NLRC5: variants seen among roughly 807,000 people sequenced by gnomAD.
The protein encoded by NLRC5 is NLR family CARD domain containing 5.
NLRC5 carries 114 observed loss-of-function variants against 206.9 expected under a neutral mutation model. That is an observed-to-expected ratio of 0.55 (90% CI 0.47 to 0.64). The LOEUF is 0.64. Among genes scored for constraint, NLRC5 ranks in the 30% least tolerant of loss-of-function variants. The pLI, the probability that NLRC5 is intolerant of heterozygous loss-of-function variation, is 0.00. For synonymous variants in NLRC5, 952 were observed against 962.8 expected (o/e 0.99, Z 0.21); for missense variants, 2,008 against 2,305.5 (o/e 0.87, Z 2.64).
Position 57,074,692 on chromosome 16 carries a change from C to T in NLRC5, c.4751+9C>T. ...TGCCTGCAGAGCCTCAGGTGAGTGA[C>T]CGAGCGGCCCCATGGGAATGAGTGG... On this transcript the variant is annotated intron_variant, in intron 39 of 48. Transcript: ENST00000688547. 6.2e-7 allele frequency: 1 copy of T among 1,613,142 alleles called. No individual in the cohort carries two copies. Among genetic ancestry groups the T allele is most frequent in the Non-Finnish European group, 8.5e-7 (1 of 1,179,242 alleles).
intron 24 of NLRC5, 72 bp from the exon 25 acceptor site, chr16:57,054,678 CT>C: frequency 9.4e-7 from 1 of 1,060,480 alleles, no homozygotes; most frequent in East Asian, 2.5e-5. Context: ...CCCACCCTCC[CT>C]TTCCTTACCC....
Position 57,029,902 on chromosome 16 carries a change from C to T in NLRC5, c.2327+46C>T, listed in dbSNP as rs1206530990. The T allele has an allele frequency of 5.0e-6, 8 of 1,607,368 alleles. No individual in the cohort carries two copies. In the South Asian group the frequency reaches 7.7e-5, roughly 15 times the overall value. On this transcript the variant is annotated intron_variant, in intron 9 of 48. Transcript: ENST00000688547. Reference sequence around the variant, plus strand: ...CTCTGCAGCCCAGTCCCTCTCTATACCTGATTCACCCCACTCCCTTGCAAG... The same window carrying T: ...CTCTGCAGCCCAGTCCCTCTCTATATCTGATTCACCCCACTCCCTTGCAAG...
At chr16:56,996,519 T>C (rs1207102404) in intron 1 of NLRC5, among the ~76,000 whole-genome samples, 1 of 152,108 alleles carries the variant, frequency 6.6e-6, no homozygotes, top group Non-Finnish European at 1.5e-5. Context: ...CTTCAGTTCG[T>C]GGCAAGTGGT....
chr16:57,028,182 G>C, intron 7 of NLRC5, 27 bp downstream of exon 7: 1 of 1,593,126 alleles, frequency 6.3e-7, no homozygotes, highest in Non-Finnish European at 8.6e-7. Flanking sequence ...AGCTGAGAAG[G>C]GTCTTCAGCT....
intron 27 of NLRC5, among the ~76,000 whole-genome samples, chr16:57,056,350 G>A (rs1367373450): frequency 2.0e-5 from 3 of 152,122 alleles, no homozygotes; most frequent in Non-Finnish European, 2.9e-5. Context: ...GAGTGCAGTG[G>A]TGCAATGATA....
At chr16:57,041,611 G>A (rs2063297455) in intron 18 of NLRC5, 37 bp downstream of exon 18, 1 of 1,519,552 alleles carries the variant, frequency 6.6e-7, no homozygotes, top group Non-Finnish European at 9.1e-7. Flanking sequence ...GGTGGGTGGG[G>A]CCAATTACAG....
intron 1 of NLRC5, among the ~76,000 whole-genome samples, chr16:56,998,497 G>T (rs1278147649): frequency 6.6e-6 from 1 of 152,160 alleles, no homozygotes; most frequent in African/African-American, 2.4e-5. Flanking sequence ...TGAGGTAGGT[G>T]CTGCTCTTAT....
Position 57,020,684 on chromosome 16 carries a change from C to G in NLRC5, c.-12-17C>G, listed in dbSNP as rs528117664. ...TACCTGTCCCCCTCAACTCACCTATCTTCCCTGTCCCTCCAGGGCTGGCTC... is the reference window on the plus strand; with the variant it reads ...TACCTGTCCCCCTCAACTCACCTATGTTCCCTGTCCCTCCAGGGCTGGCTC... On this transcript the variant is annotated splice_polypyrimidine_tract_variant and intron_variant, in intron 2 of 48. Transcript: ENST00000688547. The G allele has an allele frequency of 6.3e-7, 1 of 1,588,156 alleles. No homozygotes were observed. The highest frequency in any genetic ancestry group is 1.4e-5 in the African/African-American group (1 of 71,132).
At chr16:57,066,916 C>G (rs1482965741) in intron 34 of NLRC5, among the ~76,000 whole-genome samples, 1 of 152,196 alleles carries the variant, frequency 6.6e-6, no homozygotes, top group African/African-American at 2.4e-5. Context: ...CCTGCTTCAC[C>G]TGCCTAACTC....
Position 57,067,732 on chromosome 16 carries a change from T to C in NLRC5, c.4407-4T>C, listed in dbSNP as rs757038556. On this transcript the variant is annotated splice_region_variant and splice_polypyrimidine_tract_variant and intron_variant, in intron 35 of 48. Coordinates refer to ENST00000688547, the MANE Select transcript of NLRC5 (RefSeq NM_001384950.1). ...TCCTCTAGAATATCCTTGGACCTTT[T>C]CAGCTTGTCTCAGGTTAACCTCTGT... The C allele has an allele frequency of 3.7e-6, 6 of 1,613,800 alleles. No individual in the cohort carries two copies. In the Admixed American group the frequency reaches 8.3e-5, roughly 22 times the overall value.
At chr16:57,029,923 G>A in intron 9 of NLRC5, 67 bp downstream of exon 9, 1 of 1,608,622 alleles carries the variant, frequency 6.2e-7, no homozygotes, top group Non-Finnish European at 8.5e-7. Flanking sequence ...CCACTCCCTT[G>A]CAAGGCAAGG....
chr16:56,998,916 T>C (rs1186058252), intron 1 of NLRC5, among the ~76,000 whole-genome samples: 1 of 152,252 alleles, frequency 6.6e-6, no homozygotes, highest in Non-Finnish European at 1.5e-5. Flanking sequence ...ACTCTGTGTG[T>C]CTTAGCCCAT....
chr16:57,022,696 C>T lies in NLRC5; in HGVS notation c.355+381C>T, dbSNP rs183688620. 1.1e-4 allele frequency among the ~76,000 whole-genome samples: 16 copies of T among 152,330 alleles called. 1 individual carries two copies. The Middle Eastern group carries it at 0.01, about 97-fold the overall frequency. On this transcript the variant is annotated intron_variant, in intron 4 of 48. Transcript: ENST00000688547. ...CCCGACTTGTACACCTTGGACTTGA[C>T]ACTCACCCACAGCTGCTGTCTTCAG...
At position 57,033,644 on chromosome 16, in the gene NLRC5, G is replaced by A. The variant is rs757264031; in HGVS notation, c.2518G>A (p.Ala840Thr). 2 of 1,614,108 alleles carry A rather than the reference G, an allele frequency of 1.2e-6. No individual in the cohort carries two copies. The highest frequency in any genetic ancestry group is 2.2e-5 in the East Asian group (1 of 44,874). The change falls in exon 12 of 49, where the codon GCT (alanine) becomes ACT (threonine). Residue 840 changes from alanine to threonine, a missense_variant. Transcript: ENST00000688547. ...GGAAAGTGACGGCCAGAGGAAAGGG[G>A]CTCAGAGCAGAAGCTTGACGCTCAG... ...LQESDGQRKGAQSRSLTLRLQ... is the reference protein window; with the variant it reads ...LQESDGQRKGTQSRSLTLRLQ...
chr16:57,046,968 G>A (rs541723211), intron 22 of NLRC5, among the ~76,000 whole-genome samples: 3 of 152,316 alleles, frequency 2.0e-5, no homozygotes, highest in African/African-American at 7.2e-5. Flanking sequence ...AGAAAGAAAG[G>A]GGTTGGCCTG....
chr16:57,043,262 G>C (rs1597326047), intron 19 of NLRC5, among the ~76,000 whole-genome samples: 1 of 152,128 alleles, frequency 6.6e-6, no homozygotes, highest in African/African-American at 2.4e-5. Context: ...CAGACCGAGG[G>C]ACCCACTGGG....
intron 30 of NLRC5, 27 bp from the exon 31 acceptor site, chr16:57,061,421 G>T: frequency 1.2e-6 from 2 of 1,605,878 alleles, no homozygotes; most frequent in Non-Finnish European, 1.7e-6. Context: ...GCCTCACCCA[G>T]GCTCTGCCCT....
In NLRC5 at chr16:57,054,380, C is replaced by T. The variant is rs78129082; in HGVS notation, c.3507-371C>T. Among the ~76,000 whole-genome samples, 2,065 of 152,284 alleles carry T rather than the reference C, an allele frequency of 0.014. 99 individuals carry two copies. In the East Asian group the frequency reaches 0.17, roughly 12 times the overall value. On this transcript the variant is annotated intron_variant, in intron 24 of 48. Transcript: ENST00000688547. The stretch of plus-strand genomic sequence containing the variant: ...CAAGGACTCGCCTGTGAAATCTGTG[C>T]TTGCAGGTAAAAACAATAGTAATAA...
At position 57,022,442 on chromosome 16, in the gene NLRC5, G is replaced by A. The variant is rs868166845; in HGVS notation, c.355+127G>A. The A allele has an allele frequency of 1.1e-4, 90 of 788,140 alleles. No homozygotes were observed. In the Middle Eastern group the frequency reaches 2.7e-3, roughly 24 times the overall value. The allele number at this position is 788,140 out of a possible 1,614,324, so 48.8% of individuals were successfully genotyped here. A position where few individuals can be genotyped will look rare whatever the true frequency, so the allele number is the denominator to read the frequency against. On this transcript the variant is annotated intron_variant, in intron 4 of 48. Transcript: ENST00000688547. ...CCATTTCTCATAGGCCATGCTCTTC[G>A]TCTGTCCCTGACCCATTTGCAAGTG...
Sources: allele counts gnomAD v4.1 joint callset (sites outside exome capture counted in the v4.1 genomes callset), GRCh38; gene constraint gnomAD v4.1.1; transcripts MANE v1.5; gene names NCBI Gene and HGNC (gene_info 2026-07-23, HGNC 2026-07-21).